MND1: variants seen among roughly 807,000 people sequenced by gnomAD.
MND1 encodes meiotic nuclear division protein 1 homolog.
Under a neutral mutation model 35.1 loss-of-function variants are expected in MND1, and 28 were observed. That is an observed-to-expected ratio of 0.80 (90% CI 0.59 to 1.09). The LOEUF (loss-of-function observed/expected upper bound fraction) is 1.09. Among genes scored for constraint, MND1 ranks in the 50% least tolerant of loss-of-function variants. MND1 has a pLI of 0.00. For missense variants in MND1, 213 were observed against 239.6 expected, an observed-to-expected ratio of 0.89 and a Z score of 0.73; for synonymous variants, 69 against 70.5, an observed-to-expected ratio of 0.98 and a Z score of 0.11.
At chr4:153,366,632 A>G (rs897786404) in intron 4 of MND1, among the ~76,000 whole-genome samples, 8 of 152,142 alleles carry the variant, frequency 5.3e-5, no homozygotes, top group African/African-American at 1.7e-4. Context: ...GTTGTTCCAC[A>G]TTTTCTTTGA....
intron 4 of MND1, among the ~76,000 whole-genome samples, chr4:153,368,154 A>G (rs1773703117): frequency 6.6e-6 from 1 of 152,100 alleles, no homozygotes; most frequent in African/African-American, 2.4e-5. Context: ...GGCCTTACTG[A>G]ACTTCCCTGT....
chr4:153,348,297 C>T (rs1377961121), intron 1 of MND1, among the ~76,000 whole-genome samples: 1 of 152,130 alleles, frequency 6.6e-6, no homozygotes, highest in Non-Finnish European at 1.5e-5. Flanking sequence ...AGGTCTAGAA[C>T]AGCAAGTTTG....
chr4:153,403,909 G>A (rs1330246347), intron 6 of MND1, among the ~76,000 whole-genome samples: 1 of 151,928 alleles, frequency 6.6e-6, no homozygotes, highest in Non-Finnish European at 1.5e-5. Context: ...GGAACTACAA[G>A]CACATGCTAC....
chr4:153,372,725 T>A (rs1689852834), intron 4 of MND1, among the ~76,000 whole-genome samples: 1 of 152,230 alleles, frequency 6.6e-6, no homozygotes, highest in African/African-American at 2.4e-5. Flanking sequence ...TAGTGTGTAC[T>A]TTCCCCCACC....
intron 4 of MND1, among the ~76,000 whole-genome samples, chr4:153,359,779 C>CTTTTTTTTT (rs34112305): frequency 4.8e-5 from 3 of 62,160 alleles, no homozygotes; most frequent in Admixed American, 2.1e-4. Flanking sequence ...TTTGGAAGAT[C>CTTTTTTTTT]TTTTTTTTTT....
At position 153,394,263 on chromosome 4, in the gene MND1, T is replaced by A; in HGVS notation, c.278T>A (p.Leu93Ter). The change falls in exon 5 of 8, where the codon TTG (leucine) becomes TAG (stop). Residue 93 changes from leucine to a stop codon, truncating the protein, a stop_gained and splice_region_variant. Coordinates refer to ENST00000240488, the MANE Select transcript of MND1 (RefSeq NM_032117.4). LOFTEE classifies it high-confidence loss of function. ...KHKLEVLESQ[L>*]SEGSQKHASL... ...TTTTATTTGTTTTTGATTCTCTAGTTGTCTGAGGGAAGTCAAAAGCATGCA... is the reference window on the plus strand; with the variant it reads ...TTTTATTTGTTTTTGATTCTCTAGTAGTCTGAGGGAAGTCAAAAGCATGCA... 6.2e-7 allele frequency: 1 copy of A among 1,611,934 alleles called. No individual in the cohort carries two copies. Among genetic ancestry groups the A allele is most frequent in the South Asian group, 1.1e-5 (1 of 90,956 alleles).
At chr4:153,385,715 C>CAAAAAAAA (rs60037291) in intron 4 of MND1, among the ~76,000 whole-genome samples, 1 of 83,690 alleles carries the variant, frequency 1.2e-5, no homozygotes, top group Non-Finnish European at 2.5e-5. Context: ...GACCCTGTCT[C>CAAAAAAAA]AAAAAAAAAA....
At chr4:153,379,849 C>CAAA (rs34034237) in intron 4 of MND1, among the ~76,000 whole-genome samples, 9 of 62,486 alleles carry the variant, frequency 1.4e-4, no homozygotes, top group South Asian at 5.8e-4. Context: ...GACTCCATCT[C>CAAA]AAAAAAAAAA....
In MND1 at chr4:153,397,181, G is replaced by T. The variant is rs1255286919; in HGVS notation, c.352-38G>T. The stretch of plus-strand genomic sequence containing the variant: ...ATTACCTTACAACATATAGAATTTT[G>T]TTTGTCTTAATTGAACATAAAACTA... On this transcript the variant is annotated intron_variant, in intron 5 of 7. Coordinates refer to ENST00000240488, the MANE Select transcript of MND1 (RefSeq NM_032117.4). 4 of 1,428,962 alleles carry T rather than the reference G, an allele frequency of 2.8e-6. No homozygotes were observed. The African/African-American group carries it at 5.7e-5, about 20-fold the overall frequency. 88.5% of individuals were successfully genotyped at this position (1,428,962 alleles called of 1,614,324 possible).
chr4:153,353,777 T>G (rs1773276545), intron 2 of MND1, among the ~76,000 whole-genome samples: 1 of 152,134 alleles, frequency 6.6e-6, no homozygotes, highest in African/African-American at 2.4e-5. Context: ...TGGAGTGCAG[T>G]GGTGTGATCT....
intron 4 of MND1, among the ~76,000 whole-genome samples, chr4:153,377,561 T>C (rs980508605): frequency 2.0e-5 from 3 of 152,184 alleles, no homozygotes; most frequent in African/African-American, 7.2e-5. Flanking sequence ...GAGATGGCCA[T>C]GTCAACAAAT....
chr4:153,386,640 C>T (rs1366104413), intron 4 of MND1, among the ~76,000 whole-genome samples: 4 of 151,978 alleles, frequency 2.6e-5, no homozygotes, highest in African/African-American at 4.8e-5. Flanking sequence ...CACTTGAACC[C>T]GGGAGGTGGA....
At chr4:153,414,630 C>A in intron 7 of MND1, 121 bp from the exon 8 acceptor site, 1 of 485,438 alleles carries the variant, frequency 2.1e-6, no homozygotes, top group Non-Finnish European at 3.7e-6. Flanking sequence ...ATACAGAAAA[C>A]TCCTTATTTT....
At chr4:153,376,472 C>G (rs1315679492) in intron 4 of MND1, among the ~76,000 whole-genome samples, 1 of 152,148 alleles carries the variant, frequency 6.6e-6, no homozygotes, top group Non-Finnish European at 1.5e-5. Context: ...AAGAACAATT[C>G]AACTTCAAGG....
intron 4 of MND1, chr4:153,362,849 G>A (rs562490238): frequency 1.3e-5 from 3 of 228,680 alleles, no homozygotes; most frequent in African/African-American, 2.3e-5. Context: ...GGGTACTTTA[G>A]TAGTTATGGA....
chr4:153,394,145 C>A, intron 4 of MND1, 117 bp from the exon 5 acceptor site: 1 of 755,894 alleles, frequency 1.3e-6, no homozygotes. Flanking sequence ...ATCTGCCTGC[C>A]TCGGCCTGGG....
At chr4:153,393,067 C>T (rs1243872770) in intron 4 of MND1, among the ~76,000 whole-genome samples, 1 of 151,966 alleles carries the variant, frequency 6.6e-6, no homozygotes, top group Non-Finnish European at 1.5e-5. Context: ...TGTAGGGAGT[C>T]ATGATCGTGA....
intron 4 of MND1, among the ~76,000 whole-genome samples, chr4:153,390,077 A>G (rs1240077290): frequency 6.6e-6 from 1 of 150,864 alleles, no homozygotes; most frequent in Non-Finnish European, 1.5e-5. Flanking sequence ...ACTGGTTCAG[A>G]TAGTTTATAT....
At chr4:153,372,789 T>G (rs925056985) in intron 4 of MND1, among the ~76,000 whole-genome samples, 2 of 152,240 alleles carry the variant, frequency 1.3e-5, no homozygotes, top group Admixed American at 6.5e-5. Context: ...TGTTGCTTTA[T>G]GTATTCATTC....
Sources: allele counts gnomAD v4.1 joint callset (sites outside exome capture counted in the v4.1 genomes callset), GRCh38; gene constraint gnomAD v4.1.1; transcripts MANE v1.5; gene names NCBI Gene and HGNC (gene_info 2026-07-23, HGNC 2026-07-21).